The following ZAN variants were observed in gnomAD, a reference collection of about 807,000 sequenced individuals.
ZAN encodes zonadhesin (gene/pseudogene).
Under a neutral mutation model 286.2 loss-of-function variants are expected in ZAN, and 260 were observed. The observed-to-expected ratio is 0.91, with a 90% CI of 0.82 to 1.01. The LOEUF (loss-of-function observed/expected upper bound fraction) is 1.01, where lower values mean the gene tolerates loss of function less well. ZAN is among the 50% of genes least tolerant of loss of function. ZAN has a pLI of 0.00. For synonymous variants in ZAN, 1,368 were observed against 1,417.5 expected (o/e 0.97, Z 0.79); for missense variants, 3,410 against 3,639.2 (o/e 0.94, Z 1.62).
chr7:100,742,967 C>T (rs1807917943), intron 7 of ZAN, among the ~76,000 whole-genome samples: 1 of 119,710 alleles, frequency 8.4e-6, no homozygotes, highest in African/African-American at 3.0e-5. Context: ...AGGCAAGGGT[C>T]GATGCAGAGA....
Position 100,787,940 on chromosome 7 carries a change from GCTTC to G in ZAN, c.7032_7035del (p.Phe2345AlafsTer8). 1 of 500,018 alleles carries G rather than the reference GCTTC, an allele frequency of 2.0e-6. No homozygotes were observed. The highest frequency in any genetic ancestry group is 2.5e-5 in the South Asian group (1 of 40,096). 31.0% of individuals were successfully genotyped at this position (500,018 alleles called of 1,614,324 possible). On this transcript the variant is annotated frameshift_variant, in exon 38 of 48. Transcript: ENST00000613979. LOFTEE classifies it high-confidence loss of function. ...GACCCCCGTTACCTCACATTTGACG[GCTTC>G]AGCTACCGCTTGCAAGGCCGCATGA...
At chr7:100,754,652 C>T (rs1296914908) in intron 14 of ZAN, among the ~76,000 whole-genome samples, 1 of 151,242 alleles carries the variant, frequency 6.6e-6, no homozygotes, top group Non-Finnish European at 1.5e-5. Context: ...CACAGGCCTG[C>T]ACCACCACGA....
At position 100,763,835 on chromosome 7, in the gene ZAN, C is replaced by T. The variant is rs761553638; in HGVS notation, c.4016C>T (p.Pro1339Leu). 2.4e-5 allele frequency: 38 copies of T among 1,613,894 alleles called. No homozygotes were observed. The highest frequency in any genetic ancestry group is 9.3e-5 in the African/African-American group (7 of 74,940). Residue 1339 changes from proline to leucine, a missense_variant, in exon 21 of 48, where the codon CCG (proline) becomes CTG (leucine). Transcript: ENST00000613979. This position sits in a 1 kb window ranked among gnomAD's most constrained non-coding sequence, Gnocchi z 4.6. ...CAGAAGTACCAGGTGGTGAATTCCC[C>T]GTCTTGTGATTCATCTCTGCAGAGC... ...ECQKYQVVNSPSCDSSLQSSM... is the reference protein window; with the variant it reads ...ECQKYQVVNSLSCDSSLQSSM...
At chr7:100,748,660 G>A (rs78456030) in intron 11 of ZAN, among the ~76,000 whole-genome samples, 190 bp downstream of exon 11, 2,473 of 152,210 alleles carry the variant, frequency 0.016, 22 homozygotes, top group Middle Eastern at 0.037. Context: ...TCTCAGGGCT[G>A]GGGGGTCACT....
rs200325161 is a variant in ZAN at position 100,746,655 on chromosome 7, G to A, written c.884G>A (p.Arg295Gln). 14 of 1,613,908 alleles carry A rather than the reference G, an allele frequency of 8.7e-6. No individual in the cohort carries two copies. Among genetic ancestry groups the A allele is most frequent in the South Asian group, 3.3e-5 (3 of 91,086 alleles). ...AGCTTTTCCTTCCACTACATCCTCC[G>A]GGGCCAGTCTCCTGGTGCAGCCCTC... ...CLSFSFHYILRGQSPGAALHI... is the reference protein window; with the variant it reads ...CLSFSFHYILQGQSPGAALHI... The change falls in exon 8 of 48, where the codon CGG becomes CAG. Residue 295 changes from arginine to glutamine, a missense_variant. Around this residue, in one of 7 missense-constraint regions of ZAN, gnomAD observed 872 missense variants for 938.9 expected, o/e 0.93. Transcript: ENST00000613979.
chr7:100,734,483 G>A (rs1807164811), intron 2 of ZAN, among the ~76,000 whole-genome samples: 1 of 140,054 alleles, frequency 7.1e-6, no homozygotes, highest in Non-Finnish European at 1.6e-5. Flanking sequence ...GCCAGGCGTG[G>A]TGGTGTGCAC....
Position 100,790,685 on chromosome 7 carries a change from C to A in ZAN, c.7358-257C>A, listed in dbSNP as rs1370499525. ...ATCACTTGAGGTCAGGAATTCTAGA[C>A]CAGTTTGGCCAACATGGTGAAACAC... On this transcript the variant is annotated intron_variant, in intron 39 of 47. Coordinates refer to ENST00000613979, the MANE Select transcript of ZAN (RefSeq NM_003386.3). Among the ~76,000 whole-genome samples the A allele has an allele frequency of 3.3e-5, 5 of 151,812 alleles. No individual in the cohort carries two copies. In the East Asian group the frequency reaches 9.6e-4, roughly 29 times the overall value.
At chr7:100,749,835 G>A (rs564465057) in intron 11 of ZAN, among the ~76,000 whole-genome samples, 37 of 150,784 alleles carry the variant, frequency 2.5e-4, no homozygotes, top group African/African-American at 9.0e-4. Flanking sequence ...TGGATCACTT[G>A]AGGCCGAAAG....
chr7:100,796,998 G>A (rs942189147), intron 45 of ZAN, among the ~76,000 whole-genome samples: 1 of 152,112 alleles, frequency 6.6e-6, no homozygotes, highest in African/African-American at 2.4e-5. Flanking sequence ...TTAACCGGGT[G>A]TGGTGGCATG....
Position 100,765,475 on chromosome 7 carries a change from C to T in ZAN, c.4391C>T (p.Pro1464Leu), listed in dbSNP as rs745933096. The change falls in exon 23 of 48, where the codon CCG (proline) becomes CTG (leucine). Residue 1464 changes from proline to leucine, a missense_variant. Coordinates refer to ENST00000613979, the MANE Select transcript of ZAN (RefSeq NM_003386.3). The part of the protein sequence containing the change: ...DRCVEACECN[P>L]GFVLSGLECI... ...TGCGTGGAGGCCTGTGAATGCAATC[C>T]GGGCTTCGTCCTCAGTGGCCTCGAG... The T allele has an allele frequency of 2.7e-5, 43 of 1,613,140 alleles. No individual in the cohort carries two copies. Among genetic ancestry groups the T allele is most frequent in the South Asian group, 1.5e-4 (14 of 90,894 alleles).
chr7:100,758,648 CAGGT>C lies in ZAN; in HGVS notation c.3571+2_3571+5del, dbSNP rs759554222. ...TTGGCCCAGCCCTGTGGCAACTCAA[CAGGT>C]AGGCCCTGGAGATGCCACTGCGGCC... On this transcript the variant is annotated splice_donor_variant and coding_sequence_variant, in exon 17 of 48. Transcript: ENST00000613979. LOFTEE classifies it high-confidence loss of function. 33 of 1,553,214 alleles carry C rather than the reference CAGGT, an allele frequency of 2.1e-5. No homozygotes were observed. In the Middle Eastern group the frequency reaches 1.7e-3, roughly 78 times the overall value.
In ZAN at chr7:100,767,881, G is replaced by T; in HGVS notation, c.4911G>T (p.Val1637=). ...CTGTGTGGCTTGCACAAGGCCGGGTGACCATAAGGCTCAGCAGCAACCTCG... is the reference window on the plus strand; with the variant it reads ...CTGTGTGGCTTGCACAAGGCCGGGTTACCATAAGGCTCAGCAGCAACCTCG... ...ALPVWLAQGR[V]TIRLSSNLVL... is the part of the protein sequence containing the mutation. Residue 1637 remains valine (V), a synonymous_variant, in exon 26 of 48, where the codon GTG becomes GTT. Transcript: ENST00000613979. 6.2e-7 allele frequency: 1 copy of T among 1,613,960 alleles called. No individual in the cohort carries two copies. The highest frequency in any genetic ancestry group is 1.7e-5 in the Admixed American group (1 of 59,996).
At position 100,763,987 on chromosome 7, in the gene ZAN, C is replaced by T. The variant is rs545304014; in HGVS notation, c.4098-40C>T. 6 of 1,613,702 alleles carry T rather than the reference C, an allele frequency of 3.7e-6. No individual in the cohort carries two copies. The highest frequency in any genetic ancestry group is 2.2e-5 in the East Asian group (1 of 44,898). On this transcript the variant is annotated intron_variant, in intron 21 of 47. Coordinates refer to ENST00000613979, the MANE Select transcript of ZAN (RefSeq NM_003386.3). The surrounding 1 kb of genome is among the most constrained non-coding windows in gnomAD (Gnocchi z 4.6). Reference sequence around the variant, plus strand: ...CCTGGGCTCCTCCAAGGCTCTACCCCCTTCCACTGCATTCCCCCTGACTTG... The same window carrying T: ...CCTGGGCTCCTCCAAGGCTCTACCCTCTTCCACTGCATTCCCCCTGACTTG...
At chr7:100,783,042 C>T (rs1180320039) in intron 35 of ZAN, among the ~76,000 whole-genome samples, 3 of 151,288 alleles carry the variant, frequency 2.0e-5, no homozygotes, top group Non-Finnish European at 1.5e-5. Context: ...CCGAGGTGGG[C>T]GGATCACCTG....
chr7:100,781,858 T>A (rs1336234933), intron 35 of ZAN, among the ~76,000 whole-genome samples: 1 of 152,082 alleles, frequency 6.6e-6, no homozygotes, highest in Non-Finnish European at 1.5e-5. Flanking sequence ...CAGGCTGGTC[T>A]TGAACTCCTC....
At chr7:100,774,349 G>A (rs1045369937) in intron 31 of ZAN, among the ~76,000 whole-genome samples, 14 of 151,920 alleles carry the variant, frequency 9.2e-5, no homozygotes, top group Non-Finnish European at 1.5e-4. Flanking sequence ...CAGCCTGGGC[G>A]ACAAAACTCC....
intron 28 of ZAN, among the ~76,000 whole-genome samples, chr7:100,770,639 C>G (rs899328673): frequency 1.3e-5 from 2 of 151,718 alleles, no homozygotes; most frequent in African/African-American, 4.8e-5. Context: ...TAAGCCACCA[C>G]GCCTGGCCGT....
In ZAN at chr7:100,752,742, C is replaced by T. The variant is rs780216143; in HGVS notation, c.2637C>T (p.Thr879=). The part of the protein sequence containing the change: ...EKLTIPTEKL[T]IPTEKPTIPI... ...TCACCATCCCCACGGAAAAACTCAC[C>T]ATCCCCACGGAAAAACCCACCATCC... The change falls in exon 14 of 48, where the codon ACC becomes ACT. Residue 879 remains threonine, a synonymous_variant. Transcript: ENST00000613979. 28 of 1,540,958 alleles carry T rather than the reference C, an allele frequency of 1.8e-5. 1 individual carries two copies. In the South Asian group the frequency reaches 3.0e-4, roughly 16 times the overall value.
Position 100,787,503 on chromosome 7 carries a change from G to T in ZAN, c.6980-386G>T, listed in dbSNP as rs368182587. Among the ~76,000 whole-genome samples, 93 of 152,240 alleles carry T rather than the reference G, an allele frequency of 6.1e-4. No individual in the cohort carries two copies. In the South Asian group the frequency reaches 9.1e-3, roughly 15 times the overall value. ...GGGTGGCCACAGGGGATGCCACCGT[G>T]GGGGAGGGACTCTGGGGACTGTCAC... On this transcript the variant is annotated intron_variant, in intron 37 of 47. Transcript: ENST00000613979.
Sources: allele counts gnomAD v4.1 joint callset (sites outside exome capture counted in the v4.1 genomes callset), GRCh38; gene constraint gnomAD v4.1.1; regional missense constraint gnomAD v4.1.1; non-coding constraint Gnocchi (gnomAD v3.1); transcripts MANE v1.5; gene names NCBI Gene and HGNC (gene_info 2026-07-23, HGNC 2026-07-21).